NRXN1: variants seen among roughly 807,000 people sequenced by gnomAD.
The protein encoded by NRXN1 is neurexin-1.
NRXN1 carries 39 observed loss-of-function variants against 150.9 expected under a neutral mutation model. The ratio of observed to expected loss-of-function variants is 0.26; its 90% confidence interval spans 0.20 to 0.34. NRXN1 has a LOEUF of 0.34. Among genes scored for constraint, NRXN1 ranks in the 10% least tolerant of loss-of-function variants. NRXN1 has a pLI of 1.00. For missense variants in NRXN1, 1,815 were observed against 1,949.9 expected (o/e 0.93, Z 1.30); for synonymous variants, 924 against 757.0 (o/e 1.22, Z -3.62).
Position 50,663,117 on chromosome 2 carries a change from G to A in NRXN1, c.833-39502C>T, listed in dbSNP as rs1687542059. The stretch of plus-strand genomic sequence containing the variant: ...AAACATGTCCAAGACATCTTCATCT[G>A]CTTCGCAGTGTTTCCCAGGGCTATT... On this transcript the variant is annotated intron_variant, in intron 5 of 22. Transcript: ENST00000401669. Among the ~76,000 whole-genome samples the A allele has an allele frequency of 2.0e-5, 3 of 152,026 alleles. 1 individual carries two copies. The South Asian group carries it at 6.2e-4, about 32-fold the overall frequency.
chr2:50,966,142 C>T lies in NRXN1; in HGVS notation c.773-40187G>A, dbSNP rs577921458. The stretch of plus-strand genomic sequence containing the variant: ...CTAGTTATTTTGAACACTTTGTATC[C>T]AATATTTTTTGAAAAGTAAGACGAC... On this transcript the variant is annotated intron_variant, in intron 2 of 22. Coordinates refer to ENST00000401669, the MANE Select transcript of NRXN1 (RefSeq NM_001330078.2). 1.5e-4 allele frequency among the ~76,000 whole-genome samples: 23 copies of T among 151,378 alleles called. 1 individual carries two copies. In the South Asian group the frequency reaches 4.6e-3, roughly 30 times the overall value.
chr2:50,347,928 C>T lies in NRXN1; in HGVS notation c.3365-110958G>A. The T allele has an allele frequency of 1.3e-6, 1 of 749,244 alleles. No homozygotes were observed. Among genetic ancestry groups the T allele is most frequent in the Non-Finnish European group, 1.6e-6 (1 of 614,724 alleles). 46.4% of individuals were successfully genotyped at this position (749,244 alleles called of 1,614,324 possible). A position where few individuals can be genotyped will look rare whatever the true frequency, so the allele number is the denominator to read the frequency against. The stretch of plus-strand genomic sequence containing the variant: ...CTGCTTTGCCTCTCCCTTGCATTCT[C>T]CACGCATCAAAGGGACACGTGTAAG... On this transcript the variant is annotated intron_variant, in intron 17 of 22. Transcript: ENST00000401669. The surrounding 1 kb of genome is among the most constrained non-coding windows in gnomAD (Gnocchi z 4.9).
At chr2:50,456,650 T>G (rs149534639) in intron 17 of NRXN1, among the ~76,000 whole-genome samples, 22 of 152,094 alleles carry the variant, frequency 1.4e-4, no homozygotes, top group Admixed American at 3.9e-4. Context: ...CACAATGTTA[T>G]TTTTATCTTG....
intron 5 of NRXN1, among the ~76,000 whole-genome samples, chr2:50,847,328 G>C (rs372254430): frequency 2.0e-4 from 31 of 152,202 alleles, no homozygotes; most frequent in African/African-American, 7.5e-4. Context: ...CTGGAAACTG[G>C]CGTTTAGAGG....
At chr2:49,991,362 TA>T (rs780399168) in intron 21 of NRXN1, among the ~76,000 whole-genome samples, 1 of 152,124 alleles carries the variant, frequency 6.6e-6, no homozygotes, top group Non-Finnish European at 1.5e-5. Flanking sequence ...CTGGAACTAG[TA>T]AATGATTATT....
At chr2:50,920,115 ATCT>A (rs1467947155) in intron 5 of NRXN1, 1 of 202,580 alleles carries the variant, frequency 4.9e-6, no homozygotes, top group African/African-American at 2.4e-5. Flanking sequence ...CCATCTAAAA[ATCT>A]TCTCTCTCCA....
intron 8 of NRXN1, among the ~76,000 whole-genome samples, chr2:50,578,812 C>T (rs1397858678): frequency 1.3e-5 from 2 of 151,998 alleles, no homozygotes; most frequent in East Asian, 3.9e-4. Context: ...TCTAGACAGG[C>T]ATGAGATATA....
chr2:50,411,780 C>A (rs1276066814), intron 17 of NRXN1, among the ~76,000 whole-genome samples: 2 of 152,030 alleles, frequency 1.3e-5, no homozygotes, highest in African/African-American at 4.8e-5. Context: ...AAGTGAGGAG[C>A]CCCTCTGCCC....
At chr2:50,594,422 G>A (rs187791237) in intron 8 of NRXN1, among the ~76,000 whole-genome samples, 27 of 152,156 alleles carry the variant, frequency 1.8e-4, no homozygotes, top group Admixed American at 1.5e-3. Flanking sequence ...CAGCACTGTC[G>A]GGGAACCTTT....
At chr2:50,441,077 G>C (rs926140292) in intron 17 of NRXN1, among the ~76,000 whole-genome samples, 2 of 152,098 alleles carry the variant, frequency 1.3e-5, no homozygotes, top group Admixed American at 6.5e-5. Context: ...ACTTCTGATT[G>C]TTCTGTATTT....
At chr2:50,125,682 G>A (rs1704482356) in intron 18 of NRXN1, among the ~76,000 whole-genome samples, 6 of 152,052 alleles carry the variant, frequency 3.9e-5, no homozygotes, top group Non-Finnish European at 1.5e-5. Context: ...TCATTTGTAT[G>A]CTGATCTTGG....
chr2:50,817,659 T>G (rs1036895025), intron 5 of NRXN1, among the ~76,000 whole-genome samples: 1 of 152,002 alleles, frequency 6.6e-6, no homozygotes, highest in Non-Finnish European at 1.5e-5. Flanking sequence ...TCATACATCA[T>G]GACGAAGAGG....
chr2:50,099,241 C>T (rs1700688358), intron 18 of NRXN1, among the ~76,000 whole-genome samples: 1 of 152,052 alleles, frequency 6.6e-6, no homozygotes, highest in Non-Finnish European at 1.5e-5. Flanking sequence ...CCCCTCAAAC[C>T]TATTAAAAAC....
intron 5 of NRXN1, among the ~76,000 whole-genome samples, chr2:50,772,935 C>T (rs1703184294): frequency 6.6e-6 from 1 of 152,034 alleles, no homozygotes; most frequent in Non-Finnish European, 1.5e-5. Context: ...AAGGAGGAGC[C>T]TCGTCCATCA....
chr2:50,572,195 A>G (rs1489149092), intron 8 of NRXN1, among the ~76,000 whole-genome samples: 1 of 152,156 alleles, frequency 6.6e-6, no homozygotes, highest in African/African-American at 2.4e-5. Flanking sequence ...ACAAAACCCC[A>G]TGTCCTGAAG....
chr2:50,454,237 A>G (rs1445823545), intron 17 of NRXN1, among the ~76,000 whole-genome samples: 1 of 152,110 alleles, frequency 6.6e-6, no homozygotes, highest in Admixed American at 6.6e-5. Flanking sequence ...GAGGCACGAG[A>G]ATCGCTTGAA....
At chr2:50,858,353 A>G (rs1675574556) in intron 5 of NRXN1, among the ~76,000 whole-genome samples, 1 of 152,096 alleles carries the variant, frequency 6.6e-6, no homozygotes, top group Non-Finnish European at 1.5e-5. Context: ...TCTCAAGGAC[A>G]TCTGTGCTGA....
chr2:49,982,497 C>T (rs2351148), intron 21 of NRXN1, among the ~76,000 whole-genome samples: 71,681 of 151,610 alleles, frequency 0.47, 17,598 homozygotes, highest in Middle Eastern at 0.63. Context: ...CACAAAATCC[C>T]ACCACCTTGA....
At chr2:50,399,812 A>ATTCTCAG (rs1270132517) in intron 17 of NRXN1, among the ~76,000 whole-genome samples, 2 of 28,508 alleles carry the variant, frequency 7.0e-5, no homozygotes, top group East Asian at 1.0e-3. Context: ...AAAAAAAAAA[A>ATTCTCAG]AAAAAAAAAA....
Sources: allele counts gnomAD v4.1 joint callset (sites outside exome capture counted in the v4.1 genomes callset), GRCh38; gene constraint gnomAD v4.1.1; non-coding constraint Gnocchi (gnomAD v3.1); transcripts MANE v1.5; gene names NCBI Gene and HGNC (gene_info 2026-07-23, HGNC 2026-07-21).